The following SERPING1 variants were observed in gnomAD, a reference collection of about 807,000 sequenced individuals.
SERPING1 encodes the protein serpin family G member 1.
A neutral mutation model predicts 34.1 loss-of-function variants in SERPING1; 5 were observed. The observed-to-expected ratio is 0.15, with a 90% confidence interval of 0.08 to 0.31. SERPING1 has a LOEUF of 0.31. Among genes scored for constraint, SERPING1 ranks in the 10% least tolerant of loss-of-function variants. The pLI is 1.00. For missense variants in SERPING1, 505 were observed against 609.5 expected, an observed-to-expected ratio of 0.83 and a Z score of 1.81; for synonymous variants, 225 against 242.4, an observed-to-expected ratio of 0.93 and a Z score of 0.67.
intron 3 of SERPING1, among the ~76,000 whole-genome samples, chr11:57,601,547 A>G (rs1349919673): frequency 6.6e-6 from 1 of 152,072 alleles, no homozygotes; most frequent in Admixed American, 6.6e-5. Context: ...AGCAGTGGGG[A>G]CAGAGCTATT....
Position 57,598,255 on chromosome 11 carries a change from T to C in SERPING1, c.-16T>C. On this transcript the variant is annotated 5_prime_UTR_variant, in exon 2 of 8. Coordinates refer to ENST00000278407, the MANE Select transcript of SERPING1 (RefSeq NM_000062.3). ...AGGCTGGCTGGCTCCGCAGGTCCGC[T>C]GACGTCGCCGCCCAGATGGCCTCCA... 1 of 1,547,404 alleles carries C rather than the reference T, an allele frequency of 6.5e-7. No homozygotes were observed. Among genetic ancestry groups the C allele is most frequent in the Non-Finnish European group, 8.7e-7 (1 of 1,144,440 alleles).
chr11:57,608,616 G>C (rs1945439531), intron 6 of SERPING1, among the ~76,000 whole-genome samples: 1 of 152,030 alleles, frequency 6.6e-6, no homozygotes, highest in South Asian at 2.1e-4. Flanking sequence ...AGGTTCAAGC[G>C]ATTCTCCTGC....
In SERPING1 at chr11:57,614,774, T is replaced by C. The variant is rs892135095; in HGVS notation, c.*193T>C. On this transcript the variant is annotated 3_prime_UTR_variant, in exon 8 of 8. Coordinates refer to ENST00000278407, the MANE Select transcript of SERPING1 (RefSeq NM_000062.3). Reference sequence around the variant, plus strand: ...GCCCTTCTCCATGGCCCTGCCATGCTCTCCAAACCACTTTTTGCAGCTTTC... The same window carrying C: ...GCCCTTCTCCATGGCCCTGCCATGCCCTCCAAACCACTTTTTGCAGCTTTC... 8.4e-5 allele frequency: 51 copies of C among 607,808 alleles called. No homozygotes were observed. Among genetic ancestry groups the C allele is most frequent in the Non-Finnish European group, 1.3e-4 (45 of 352,352 alleles). 37.7% of individuals were successfully genotyped at this position (607,808 alleles called of 1,614,324 possible).
chr11:57,611,665 C>T (rs1429628369), intron 6 of SERPING1, 52 bp from the exon 7 acceptor site: 2 of 1,520,988 alleles, frequency 1.3e-6, no homozygotes, highest in African/African-American at 2.7e-5. Context: ...AGGGTGGGGC[C>T]AGGAGAGAGA....
At chr11:57,613,830 C>T (rs555211703) in intron 7 of SERPING1, among the ~76,000 whole-genome samples, 2 of 152,020 alleles carry the variant, frequency 1.3e-5, no homozygotes, top group South Asian at 4.2e-4. Context: ...CAGGAGTAGC[C>T]TCATTAGCAC....
rs1945352852 is a variant in SERPING1, at chr11:57,602,010, C to G, written c.551-25C>G. 1.9e-6 allele frequency: 3 copies of G among 1,614,056 alleles called. No homozygotes were observed. In the Middle Eastern group the frequency reaches 5.0e-4, roughly 266 times the overall value. ...GGCCCCCGACTCATCCTGCAAGTAT[C>G]TTTCATCTCTGCCCTTTGTTGCAGG... On this transcript the variant is annotated intron_variant, in intron 3 of 7. Coordinates refer to ENST00000278407, the MANE Select transcript of SERPING1 (RefSeq NM_000062.3).
At chr11:57,603,005 G>T (rs892258550) in intron 4 of SERPING1, among the ~76,000 whole-genome samples, 3 of 151,700 alleles carry the variant, frequency 2.0e-5, no homozygotes, top group Non-Finnish European at 4.4e-5. Context: ...GGCTGAGGTG[G>T]GTGGAACACC....
chr11:57,600,677 G>T (rs183624221), intron 3 of SERPING1, among the ~76,000 whole-genome samples: 1 of 152,296 alleles, frequency 6.6e-6, no homozygotes, highest in African/African-American at 2.4e-5. Context: ...GAAATTAGGC[G>T]CAGTGGCTCA....
Position 57,606,524 on chromosome 11 carries a change from A to G in SERPING1, c.1006A>G (p.Ile336Val). The change falls in exon 6 of 8, where the codon ATT becomes GTT. Residue 336 changes from isoleucine to valine, a missense_variant. Coordinates refer to ENST00000278407, the MANE Select transcript of SERPING1 (RefSeq NM_000062.3). The part of the protein sequence containing the change: ...NSKKYPVAHF[I>V]DQTLKAKVGQ... ...CAAGAAGTACCCTGTGGCCCATTTC[A>G]TTGACCAAACTTTGAAAGCCAAGGT... 1 of 1,614,164 alleles carries G rather than the reference A, an allele frequency of 6.2e-7. No homozygotes were observed. Among genetic ancestry groups the G allele is most frequent in the Non-Finnish European group, 8.5e-7 (1 of 1,180,042 alleles).
chr11:57,614,602 G>A lies in SERPING1; in HGVS notation c.*21G>A, dbSNP rs759505176. 6.7e-5 allele frequency: 108 copies of A among 1,610,598 alleles called. No homozygotes were observed. Among genetic ancestry groups the A allele is most frequent in the Non-Finnish European group, 8.7e-5 (103 of 1,179,736 alleles). Reference sequence around the variant, plus strand: ...CCTGAGACCTGCAGGATCAGGTTAGGGCGAGCGCTACCTCTCCAGCCTCAG... The same window carrying A: ...CCTGAGACCTGCAGGATCAGGTTAGAGCGAGCGCTACCTCTCCAGCCTCAG... On this transcript the variant is annotated 3_prime_UTR_variant, in exon 8 of 8. Transcript: ENST00000278407.
At chr11:57,599,321 A>T (rs956195910) in intron 2 of SERPING1, among the ~76,000 whole-genome samples, 1 of 152,148 alleles carries the variant, frequency 6.6e-6, no homozygotes, top group Admixed American at 6.6e-5. Flanking sequence ...AAATTGTTTC[A>T]GAGCCGCTGG....
At chr11:57,599,734 A>T in intron 2 of SERPING1, 145 bp from the exon 3 acceptor site, 1 of 1,108,848 alleles carries the variant, frequency 9.0e-7, no homozygotes, top group Non-Finnish European at 1.3e-6. Flanking sequence ...GTTCTAAGAC[A>T]GATTGCTCAT....
Position 57,611,921 on chromosome 11 carries a change from A to G in SERPING1, c.1234A>G (p.Ile412Val), listed in dbSNP as rs750783890. The change falls in exon 7 of 8, where the codon ATC (isoleucine) becomes GTC (valine). Residue 412 changes from isoleucine (I) to valine (V), a missense_variant. By Grantham distance (29) the Ile-to-Val change is conservative (BLOSUM62 3). Coordinates refer to ENST00000278407, the MANE Select transcript of SERPING1 (RefSeq NM_000062.3). ...KVTTSQDMLS[I>V]MEKLEFFDFS... ...GACGACCAGCCAGGATATGCTCTCA[A>G]TCATGGAGAAATTGGGTGAGCTCTG... is the stretch of plus-strand genomic sequence containing the variant. The G allele has an allele frequency of 1.9e-6, 3 of 1,613,848 alleles. No homozygotes were observed. The highest frequency in any genetic ancestry group is 2.5e-6 in the Non-Finnish European group (3 of 1,179,980).
intron 7 of SERPING1, among the ~76,000 whole-genome samples, chr11:57,612,257 G>C (rs1469217344): frequency 6.6e-6 from 1 of 152,120 alleles, no homozygotes; most frequent in African/African-American, 2.4e-5. Flanking sequence ...GGAACAGTGG[G>C]ACAGGTAACC....
chr11:57,598,408 C>T, intron 2 of SERPING1, 87 bp downstream of exon 2: 1 of 1,316,108 alleles, frequency 7.6e-7, no homozygotes, highest in Non-Finnish European at 1.1e-6. Flanking sequence ...AGGATTAACC[C>T]TTCAGGCTCC....
intron 7 of SERPING1, among the ~76,000 whole-genome samples, chr11:57,612,348 G>A (rs1485734291): frequency 2.0e-5 from 3 of 151,974 alleles, no homozygotes; most frequent in African/African-American, 7.3e-5. Context: ...AAGCTATCTG[G>A]AAGTGCAGAT....
chr11:57,600,676 C>T (rs781430374), intron 3 of SERPING1, among the ~76,000 whole-genome samples: 18 of 152,168 alleles, frequency 1.2e-4, no homozygotes, highest in South Asian at 2.1e-4. Context: ...TGAAATTAGG[C>T]GCAGTGGCTC....
intron 7 of SERPING1, among the ~76,000 whole-genome samples, chr11:57,612,560 C>A (rs1340407909): frequency 6.6e-6 from 1 of 151,808 alleles, no homozygotes; most frequent in East Asian, 1.9e-4. Context: ...ACTACAGGTG[C>A]CCGCCACCAC....
At chr11:57,604,651 A>T (rs917125790) in intron 4 of SERPING1, among the ~76,000 whole-genome samples, 4 of 147,952 alleles carry the variant, frequency 2.7e-5, no homozygotes, top group African/African-American at 5.0e-5. Context: ...CTCCCTTTTT[A>T]AAAAAAAAAG....
Sources: gnomAD v4.1 joint callset for allele counts (sites outside exome capture counted in the v4.1 genomes callset) on GRCh38, gnomAD v4.1.1 for gene constraint, MANE v1.5 for transcripts, NCBI Gene and HGNC (gene_info 2026-07-23, HGNC 2026-07-21) for gene names.